The following GSG1L variants were observed in gnomAD, a reference collection of about 807,000 sequenced individuals.
The protein encoded by GSG1L is GSG1 like, also known as germ cell-specific gene 1-like protein.
Under a neutral mutation model 42.1 loss-of-function variants are expected in GSG1L, and 24 were observed. The ratio of observed to expected loss-of-function variants is 0.57; its 90% CI spans 0.41 to 0.80. The LOEUF (loss-of-function observed/expected upper bound fraction) is 0.80. Among genes scored for constraint, GSG1L ranks in the 30% least tolerant of loss-of-function variants. The probability of loss-of-function intolerance (pLI) is 0.00; values close to 1 mark genes in which losing one functional copy is unlikely to be tolerated. For synonymous variants in GSG1L, 215 were observed against 203.5 expected (o/e 1.06, Z -0.48); for missense variants, 445 against 472.2 (o/e 0.94, Z 0.53).
rs941685105 is a variant in GSG1L at position 27,808,528 on chromosome 16, C to A, written c.831-974G>T. Among the ~76,000 whole-genome samples, 4 of 152,008 alleles carry A rather than the reference C, an allele frequency of 2.6e-5. No homozygotes were observed. The South Asian group carries it at 8.3e-4, about 32-fold the overall frequency. On this transcript the variant is annotated intron_variant, in intron 5 of 6. Coordinates refer to ENST00000447459, the MANE Select transcript of GSG1L (RefSeq NM_001109763.2). ...CCACCTCCCAGGCTCAAGCGATTCT[C>A]CTGCCTCAGCCTCCCGAGTAGCTGG...
chr16:27,847,246 C>G (rs1014699447), intron 3 of GSG1L, among the ~76,000 whole-genome samples: 13 of 152,208 alleles, frequency 8.5e-5, no homozygotes, highest in Non-Finnish European at 1.3e-4. Flanking sequence ...TCTCCCAACT[C>G]CTGAAACTAT....
intron 5 of GSG1L, among the ~76,000 whole-genome samples, chr16:27,812,786 TTTA>T (rs2083047238): frequency 1.3e-5 from 1 of 79,132 alleles, no homozygotes; most frequent in African/African-American, 5.3e-5. Context: ...TTAATTTTTA[TTTA>T]TTTATTTATT....
intron 2 of GSG1L, among the ~76,000 whole-genome samples, chr16:27,919,993 G>T (rs1445333435): frequency 6.6e-6 from 1 of 152,170 alleles, no homozygotes; most frequent in Non-Finnish European, 1.5e-5. Context: ...GGGCTGAATT[G>T]AAAAAAGATT....
intron 5 of GSG1L, among the ~76,000 whole-genome samples, chr16:27,808,119 C>A (rs72780164): frequency 0.014 from 2,103 of 151,554 alleles, 62 homozygotes; most frequent in Admixed American, 0.075. Context: ...AGGTCTCACT[C>A]TGTCGCCCAG....
chr16:27,824,317 A>G (rs1199718897), intron 5 of GSG1L, among the ~76,000 whole-genome samples: 1 of 152,218 alleles, frequency 6.6e-6, no homozygotes, highest in African/African-American at 2.4e-5. Flanking sequence ...AGCAGCAAAG[A>G]GATAGATTTG....
intron 1 of GSG1L, among the ~76,000 whole-genome samples, chr16:28,001,983 G>A (rs8053585): frequency 0.079 from 11,953 of 152,152 alleles, 1,459 homozygotes; most frequent in African/African-American, 0.26. Flanking sequence ...CAGCAAACCT[G>A]GCCAAACTCC....
intron 1 of GSG1L, among the ~76,000 whole-genome samples, chr16:27,970,979 T>C (rs1254416036): frequency 2.6e-5 from 4 of 152,230 alleles, no homozygotes; most frequent in African/African-American, 9.6e-5. Context: ...AAAGCGTTTA[T>C]TTTATACTCT....
chr16:28,034,996 A>G (rs570188065), intron 1 of GSG1L, among the ~76,000 whole-genome samples: 1 of 152,064 alleles, frequency 6.6e-6, no homozygotes, highest in Non-Finnish European at 1.5e-5. Context: ...CCATGTACTC[A>G]CTAATTGCAG....
At chr16:27,864,657 C>T (rs569654099) in intron 3 of GSG1L, among the ~76,000 whole-genome samples, 2 of 152,188 alleles carry the variant, frequency 1.3e-5, no homozygotes, top group Admixed American at 6.5e-5. Flanking sequence ...AACAAGTTTC[C>T]GCCCCTTGGA....
intron 3 of GSG1L, among the ~76,000 whole-genome samples, chr16:27,855,119 G>A (rs1315716063): frequency 6.6e-6 from 1 of 152,160 alleles, no homozygotes; most frequent in Non-Finnish European, 1.5e-5. Context: ...GCTCGACCGT[G>A]ATGGTGGAAT....
At chr16:27,847,485 CA>C (rs1596552700) in intron 3 of GSG1L, among the ~76,000 whole-genome samples, 1 of 152,154 alleles carries the variant, frequency 6.6e-6, no homozygotes, top group Non-Finnish European at 1.5e-5. Flanking sequence ...GTGTTGAGTC[CA>C]GGGGGGCTAA....
At chr16:28,010,421 C>G (rs896771541) in intron 1 of GSG1L, among the ~76,000 whole-genome samples, 16 of 152,218 alleles carry the variant, frequency 1.1e-4, no homozygotes, top group African/African-American at 3.9e-4. Flanking sequence ...GGTACCTAGT[C>G]CCCAAGGGGG....
intron 2 of GSG1L, among the ~76,000 whole-genome samples, chr16:27,945,561 C>A (rs1025255806): frequency 1.3e-5 from 2 of 152,150 alleles, no homozygotes; most frequent in African/African-American, 4.8e-5. Context: ...CCAGGGCATC[C>A]CCGCCAAGAG....
At chr16:27,860,656 C>T (rs569106992) in intron 3 of GSG1L, among the ~76,000 whole-genome samples, 74 of 152,316 alleles carry the variant, frequency 4.9e-4, no homozygotes, top group African/African-American at 1.7e-3. Context: ...TGGAGAATTT[C>T]CATCAAGGGA....
At chr16:27,875,542 ACT>A (rs2141015797) in intron 3 of GSG1L, among the ~76,000 whole-genome samples, 1 of 152,140 alleles carries the variant, frequency 6.6e-6, no homozygotes, top group South Asian at 2.1e-4. Flanking sequence ...CACTGTGGAC[ACT>A]CTGATAATTT....
chr16:27,821,437 C>T (rs1331783960), intron 5 of GSG1L, among the ~76,000 whole-genome samples: 6 of 152,256 alleles, frequency 3.9e-5, no homozygotes, highest in Admixed American at 1.3e-4. Flanking sequence ...GCCTTCCTCC[C>T]TCCCTGCTCT....
chr16:27,893,177 G>C (rs1383763293), intron 2 of GSG1L, among the ~76,000 whole-genome samples: 1 of 152,160 alleles, frequency 6.6e-6, no homozygotes, highest in Non-Finnish European at 1.5e-5. Flanking sequence ...TCAGGTGTGG[G>C]GCCAGGAGTT....
intron 1 of GSG1L, among the ~76,000 whole-genome samples, chr16:27,997,274 C>T (rs889032575): frequency 3.3e-4 from 50 of 151,218 alleles, no homozygotes; most frequent in Non-Finnish European, 6.6e-4. Context: ...ACAGACACAC[C>T]TCTCCCTCTG....
intron 1 of GSG1L, among the ~76,000 whole-genome samples, chr16:27,965,435 T>C (rs914951283): frequency 6.6e-6 from 1 of 152,228 alleles, no homozygotes; most frequent in African/African-American, 2.4e-5. Context: ...GTATTAAACA[T>C]TTTCTTCACC....
Sources: gnomAD v4.1 joint callset for allele counts (sites outside exome capture counted in the v4.1 genomes callset) on GRCh38, gnomAD v4.1.1 for gene constraint, MANE v1.5 for transcripts, NCBI Gene and HGNC (gene_info 2026-07-23, HGNC 2026-07-21) for gene names.